Variants in PYGL observed in about 807,000 individuals in gnomAD.
The protein encoded by PYGL is glycogen phosphorylase L, also known as glycogen phosphorylase, liver form.
A neutral mutation model predicts 100.1 loss-of-function variants in PYGL; 90 were observed. The ratio of observed to expected loss-of-function variants is 0.90; its 90% CI spans 0.76 to 1.07. The LOEUF (loss-of-function observed/expected upper bound fraction) is 1.07, where lower values mean the gene tolerates loss of function less well. Ranked by LOEUF, PYGL falls within the 50% of genes least tolerant of loss-of-function variation. The pLI, the probability that PYGL is intolerant of heterozygous loss-of-function variation, is 0.00. For synonymous variants in PYGL, 373 were observed against 393.0 expected (o/e 0.95, Z 0.60); for missense variants, 1,016 against 1,057.6 (o/e 0.96, Z 0.55).
chr14:50,912,031 T>A lies in PYGL; in HGVS notation c.1774A>T (p.Lys592Ter). 5.6e-6 allele frequency: 9 copies of A among 1,613,942 alleles called. No homozygotes were observed. The highest frequency in any genetic ancestry group is 7.6e-6 in the Non-Finnish European group (9 of 1,179,794). ...LHVITMYNRI[K>*]KDPKKLFVPR... is the part of the protein sequence containing the mutation. ...ACGAATAACTTCTTAGGGTCTTTCT[T>A]AATGCCTGAAAAAGATGGAGAAGTG... The change falls in exon 15 of 20, where the codon AAG becomes TAG. Residue 592 changes from lysine to a stop codon, truncating the protein, a stop_gained. Transcript: ENST00000216392. LOFTEE classifies it high-confidence loss of function.
At chr14:50,929,697 C>T (rs2050586380) in intron 4 of PYGL, among the ~76,000 whole-genome samples, 1 of 152,118 alleles carries the variant, frequency 6.6e-6, no homozygotes, top group Non-Finnish European at 1.5e-5. Flanking sequence ...AAATTAGATA[C>T]CATGTGTTGT....
At position 50,908,892 on chromosome 14, in the gene PYGL, G is replaced by T; in HGVS notation, c.2241C>A (p.Asp747Glu). 1 of 1,574,358 alleles carries T rather than the reference G, an allele frequency of 6.4e-7. No individual in the cohort carries two copies. Among genetic ancestry groups the T allele is most frequent in the African/African-American group, 1.4e-5 (1 of 73,548 alleles). ...GCTGCTTGGGAGAAAAAAAGCCATT[G>T]TCAATTTGATCAATGACCAGCTTCA... is the stretch of plus-strand genomic sequence containing the variant. ...PELKLVIDQIDNGFFSPKQPD... is the reference protein window; with the variant it reads ...PELKLVIDQIENGFFSPKQPD... Residue 747 changes from aspartate to glutamate, a missense_variant, in exon 18 of 20, where the codon GAC becomes GAA. By Grantham distance (45) the Asp-to-Glu change is conservative. Transcript: ENST00000216392.
chr14:50,905,420 T>A lies in PYGL; in HGVS notation c.2516A>T (p.Asn839Ile). 1 of 1,613,594 alleles carries A rather than the reference T, an allele frequency of 6.2e-7. No individual in the cohort carries two copies. The highest frequency in any genetic ancestry group is 2.2e-5 in the East Asian group (1 of 44,874). Residue 839 changes from asparagine to isoleucine, a missense_variant, in exon 20 of 20, where the codon AAT becomes ATT. Asn to Ile is a moderately radical substitution (Grantham distance 149). Transcript: ENST00000216392. ...ATTTCCATTGACTTTGTTAGATTCA[T>A]TGGATAGAGAAATCTTTAGATCTGA... ...EPSDLKISLS[N>I]ESNKVNGN
intron 19 of PYGL, among the ~76,000 whole-genome samples, chr14:50,907,148 G>T (rs1410428039): frequency 6.6e-6 from 1 of 152,084 alleles, no homozygotes; most frequent in African/African-American, 2.4e-5. Flanking sequence ...TTGATAAAGC[G>T]TATAACTTTG....
Position 50,911,896 on chromosome 14 carries a change from T to C in PYGL, c.1828-25A>G, listed in dbSNP as rs1005643408. 6 of 1,614,002 alleles carry C rather than the reference T, an allele frequency of 3.7e-6. No homozygotes were observed. The African/African-American group carries it at 5.3e-5, about 14-fold the overall frequency. On this transcript the variant is annotated intron_variant, in intron 15 of 19. Transcript: ENST00000216392. ...CCTTTGGGGAAGAAGGTCAAACGCA[T>C]TGACAGAAGGCAGCCATGATGAAGT...
chr14:50,907,786 C>T (rs1474725113), intron 19 of PYGL, among the ~76,000 whole-genome samples: 3 of 152,110 alleles, frequency 2.0e-5, no homozygotes, highest in Admixed American at 6.5e-5. Context: ...TGGCTCACAC[C>T]TGTAATCCCA....
chr14:50,927,103 T>C (rs142889240), intron 4 of PYGL, among the ~76,000 whole-genome samples: 74 of 152,302 alleles, frequency 4.9e-4, no homozygotes, highest in African/African-American at 1.5e-3. Context: ...CAGGATGATA[T>C]ACTGTCCTGC....
intron 4 of PYGL, among the ~76,000 whole-genome samples, chr14:50,925,064 C>G (rs1160392235): frequency 6.6e-6 from 1 of 152,204 alleles, no homozygotes; most frequent in East Asian, 1.9e-4. Context: ...GCAAACATCA[C>G]AGAGTGCACT....
chr14:50,915,061 A>G, intron 11 of PYGL: 1 of 617,202 alleles, frequency 1.6e-6, no homozygotes, highest in Non-Finnish European at 2.8e-6. Context: ...ACTGACATAT[A>G]TACTACACTT....
Position 50,909,919 on chromosome 14 carries a change from T to C in PYGL, c.2153A>G (p.Asp718Gly). The C allele has an allele frequency of 6.2e-7, 1 of 1,614,176 alleles. No individual in the cohort carries two copies. The highest frequency in any genetic ancestry group is 8.5e-7 in the Non-Finnish European group (1 of 1,180,034). ...NLFIFGMRIDDVAALDKKGYE... is the reference protein window; with the variant it reads ...NLFIFGMRIDGVAALDKKGYE... ...CCCTTTCTTGTCCAAAGCAGCCACA[T>C]CATCTATCCTCATGCCAAAGATGAA... Residue 718 changes from aspartate to glycine, a missense_variant, in exon 17 of 20, where the codon GAT (aspartate) becomes GGT (glycine). Physicochemically the swap from Asp to Gly is moderately conservative, Grantham distance 94. Transcript: ENST00000216392.
chr14:50,933,982 C>A (rs2050629249), intron 3 of PYGL, among the ~76,000 whole-genome samples: 1 of 152,044 alleles, frequency 6.6e-6, no homozygotes, highest in African/African-American at 2.4e-5. Context: ...TGTTCTTCAA[C>A]AATCAGTGTA....
intron 4 of PYGL, 99 bp from the exon 5 acceptor site, chr14:50,924,199 A>C: frequency 7.2e-7 from 1 of 1,397,486 alleles, no homozygotes; most frequent in East Asian, 2.5e-5. Context: ...CTTTAACTGA[A>C]ACAACTTATG....
At chr14:50,906,898 G>T (rs182957240) in intron 19 of PYGL, among the ~76,000 whole-genome samples, 1 of 152,196 alleles carries the variant, frequency 6.6e-6, no homozygotes, top group Admixed American at 6.5e-5. Context: ...CAGCACAGGC[G>T]TTGAATGATC....
chr14:50,915,628 GAGTT>G, intron 10 of PYGL, 129 bp from the exon 11 acceptor site: 1 of 1,427,190 alleles, frequency 7.0e-7, no homozygotes, highest in Middle Eastern at 1.7e-4. Context: ...GGGAGGGGTT[GAGTT>G]AGCTCTATGG....
chr14:50,912,442 TC>T, intron 13 of PYGL, 139 bp from the exon 14 acceptor site: 1 of 1,012,200 alleles, frequency 9.9e-7, no homozygotes, highest in Non-Finnish European at 1.5e-6. Flanking sequence ...CACCGCAGCC[TC>T]CACCTCCCAC....
At position 50,916,744 on chromosome 14, in the gene PYGL, G is replaced by A. The variant is rs1448970607; in HGVS notation, c.1000-10C>T. On this transcript the variant is annotated splice_polypyrimidine_tract_variant and intron_variant, in intron 8 of 19. Transcript: ENST00000216392. ...TCAGCTGGATGGCCACCTGGGTGGG[G>A]AAAGACATCAACATGAAGGCAACGG... is the stretch of plus-strand genomic sequence containing the variant. 6.2e-6 allele frequency: 10 copies of A among 1,611,058 alleles called. No homozygotes were observed. Among genetic ancestry groups the A allele is most frequent in the Non-Finnish European group, 8.5e-6 (10 of 1,177,362 alleles).
intron 4 of PYGL, among the ~76,000 whole-genome samples, chr14:50,927,203 G>C (rs1256614248): frequency 6.6e-6 from 1 of 152,006 alleles, no homozygotes; most frequent in African/African-American, 2.4e-5. Context: ...GGAAGTCAGA[G>C]GTTGCATTTA....
Position 50,908,872 on chromosome 14 carries a change from T to A in PYGL, c.2261A>T (p.Lys754Met). ...DQIDNGFFSP[K>M]QPDLFKDIIN... The stretch of plus-strand genomic sequence containing the variant: ...GATATCTTTGAAGAGGTCAGGCTGC[T>A]TGGGAGAAAAAAAGCCATTGTCAAT... Residue 754 changes from lysine to methionine, a missense_variant, in exon 18 of 20, where the codon AAG (lysine) becomes ATG (methionine). Lys to Met is a moderately conservative substitution (Grantham distance 95). Transcript: ENST00000216392. 1 of 1,576,694 alleles carries A rather than the reference T, an allele frequency of 6.3e-7. No homozygotes were observed. Among genetic ancestry groups the A allele is most frequent in the Non-Finnish European group, 8.7e-7 (1 of 1,146,048 alleles).
intron 1 of PYGL, among the ~76,000 whole-genome samples, chr14:50,941,804 A>G (rs1275293655): frequency 2.6e-5 from 4 of 152,138 alleles, no homozygotes; most frequent in Admixed American, 6.5e-5. Context: ...CTTGAACCCG[A>G]GAGGCAGAGG....
Sources: gnomAD v4.1 joint callset for allele counts (sites outside exome capture counted in the v4.1 genomes callset) on GRCh38, gnomAD v4.1.1 for gene constraint, MANE v1.5 for transcripts, NCBI Gene and HGNC (gene_info 2026-07-23, HGNC 2026-07-21) for gene names.